Variants in STIM1 observed in about 807,000 individuals in gnomAD.
STIM1 encodes the protein stromal interaction molecule 1.
Under a neutral mutation model 74.7 loss-of-function variants are expected in STIM1, and 25 were observed. That is an observed-to-expected ratio of 0.33 (90% CI 0.24 to 0.47). STIM1 has a LOEUF of 0.47. Among genes scored for constraint, STIM1 ranks in the 20% least tolerant of loss-of-function variants. The pLI is 1.00. For synonymous variants in STIM1, 328 were observed against 348.8 expected (o/e 0.94, Z 0.66); for missense variants, 728 against 920.8 (o/e 0.79, Z 2.71).
intron 2 of STIM1, among the ~76,000 whole-genome samples, chr11:3,976,962 T>G (rs1481839021): frequency 2.0e-5 from 3 of 152,070 alleles, no homozygotes; most frequent in African/African-American, 7.2e-5. Flanking sequence ...ACCCAGCTAA[T>G]TTTTGTATTT....
At chr11:4,033,830 A>T (rs564694928) in intron 3 of STIM1, among the ~76,000 whole-genome samples, 1 of 151,446 alleles carries the variant, frequency 6.6e-6, no homozygotes, top group East Asian at 2.0e-4. Context: ...CGATCTCCTG[A>T]CCTCGTGATC....
intron 2 of STIM1, among the ~76,000 whole-genome samples, chr11:4,001,765 T>C (rs923197973): frequency 1.3e-5 from 2 of 149,416 alleles, no homozygotes; most frequent in African/African-American, 4.9e-5. Flanking sequence ...ATGGACTAAA[T>C]GCTCCAATTA....
chr11:3,867,578 T>G (rs908165811), intron 1 of STIM1, among the ~76,000 whole-genome samples: 1 of 152,220 alleles, frequency 6.6e-6, no homozygotes, highest in Non-Finnish European at 1.5e-5. Flanking sequence ...GATAGGATAG[T>G]CCTGTGAAGA....
intron 2 of STIM1, among the ~76,000 whole-genome samples, chr11:4,012,160 T>C (rs2093843763): frequency 6.6e-6 from 1 of 152,230 alleles, no homozygotes; most frequent in Admixed American, 6.5e-5. Flanking sequence ...GGTAGTGTGA[T>C]GCCTCCAGCT....
chr11:4,048,107 A>G (rs1194260752), intron 3 of STIM1, among the ~76,000 whole-genome samples: 1 of 152,106 alleles, frequency 6.6e-6, no homozygotes, highest in African/African-American at 2.4e-5. Context: ...GTGTTGAGCC[A>G]CCGTGCCTGG....
At chr11:3,966,105 A>G (rs776467400) in intron 1 of STIM1, among the ~76,000 whole-genome samples, 9 of 152,222 alleles carry the variant, frequency 5.9e-5, no homozygotes, top group Non-Finnish European at 1.0e-4. Flanking sequence ...AAAAGATGAA[A>G]GCAACACAAG....
chr11:3,991,825 CT>C (rs972877414), intron 2 of STIM1, among the ~76,000 whole-genome samples: 14 of 151,526 alleles, frequency 9.2e-5, no homozygotes, highest in African/African-American at 3.4e-4. Flanking sequence ...TGGCGCATGC[CT>C]GTAATCCCAG....
rs142720800 is a variant in STIM1 at position 3,923,099 on chromosome 11, C to CA, written c.140-44437dup. Among the ~76,000 whole-genome samples the CA allele has an allele frequency of 2.7e-3, 327 of 119,020 alleles. 1 individual carries two copies. The highest frequency in any genetic ancestry group is 3.5e-3 in the Admixed American group (42 of 12,074). 78.1% of individuals were successfully genotyped at this position (119,020 alleles called of 152,430 possible). On this transcript the variant is annotated intron_variant, in intron 1 of 12. Transcript: ENST00000526596. Reference sequence around the variant, plus strand: ...TGGGAGACAGAGCGAGACTCCGTCTCAAAAAAAAAAAAAAAACAAACACTC... The same window carrying CA: ...TGGGAGACAGAGCGAGACTCCGTCTCAAAAAAAAAAAAAAAAACAAACACTC...
intron 1 of STIM1, among the ~76,000 whole-genome samples, chr11:3,871,613 T>G (rs536414310): frequency 1.3e-5 from 2 of 152,362 alleles, no homozygotes; most frequent in African/African-American, 4.8e-5. Flanking sequence ...ATTTTGTAGC[T>G]TCTGTCTTAA....
chr11:3,858,393 C>T (rs768807038), intron 1 of STIM1, among the ~76,000 whole-genome samples: 15 of 152,138 alleles, frequency 9.9e-5, no homozygotes, highest in Non-Finnish European at 2.2e-4. Context: ...TACTCATGCT[C>T]AGTTTAGAAA....
At chr11:3,909,794 A>G (rs367802893) in intron 1 of STIM1, among the ~76,000 whole-genome samples, 1 of 63,494 alleles carries the variant, frequency 1.6e-5, no homozygotes, top group Non-Finnish European at 3.4e-5. Flanking sequence ...TCCATCTCAA[A>G]GAAAAAAAAA....
Position 3,856,279 on chromosome 11 carries a change from A to T in STIM1, c.9A>T (p.Val3=). The T allele has an allele frequency of 6.2e-7, 1 of 1,614,140 alleles. No homozygotes were observed. The highest frequency in any genetic ancestry group is 8.5e-7 in the Non-Finnish European group (1 of 1,180,026). ...GACTGAGACCTAGAGTCATGGATGT[A>T]TGCGTCCGTCTTGCCCTGTGGCTCC... MD[V]CVRLALWLLW... Residue 3 remains valine, a synonymous_variant, in exon 1 of 13, where the codon GTA becomes GTT. Transcript: ENST00000526596.
At chr11:3,989,508 G>C (rs111814993) in intron 2 of STIM1, 18 of 558,576 alleles carry the variant, frequency 3.2e-5, no homozygotes, top group South Asian at 1.5e-4. Context: ...GAGCCGCGGC[G>C]CACCGAGAGC....
At chr11:3,899,558 A>G (rs1164234985) in intron 1 of STIM1, among the ~76,000 whole-genome samples, 1 of 150,260 alleles carries the variant, frequency 6.7e-6, no homozygotes, top group African/African-American at 2.4e-5. Flanking sequence ...ACTATGTTGA[A>G]TAGGAGTGGT....
intron 2 of STIM1, among the ~76,000 whole-genome samples, chr11:3,996,772 A>G (rs2093666887): frequency 6.6e-6 from 1 of 152,218 alleles, no homozygotes; most frequent in African/African-American, 2.4e-5. Context: ...AAGTTTCACT[A>G]GTTTTACTGG....
At chr11:3,990,142 A>G (rs913184358) in intron 2 of STIM1, among the ~76,000 whole-genome samples, 5 of 152,186 alleles carry the variant, frequency 3.3e-5, no homozygotes, top group Non-Finnish European at 7.4e-5. Flanking sequence ...ATTCAATCAT[A>G]TAATATGTGG....
rs538536774 is a variant in STIM1 at position 4,043,029 on chromosome 11, T to C, written c.386-12497T>C. Among the ~76,000 whole-genome samples the C allele has an allele frequency of 2.0e-5, 3 of 152,166 alleles. No individual in the cohort carries two copies. In the South Asian group the frequency reaches 6.2e-4, roughly 32 times the overall value. On this transcript the variant is annotated intron_variant, in intron 3 of 12. Transcript: ENST00000526596. ...AATGCTTGTTGAATAGCAAAATGAA[T>C]ATTTTACAGAAGGGGAAATTGAGGT...
chr11:3,905,611 G>A (rs2092453257), intron 1 of STIM1, among the ~76,000 whole-genome samples: 1 of 152,168 alleles, frequency 6.6e-6, no homozygotes, highest in Non-Finnish European at 1.5e-5. Context: ...AGTAACCGCT[G>A]CATGCCAGGC....
chr11:4,051,673 G>A (rs1042162998), intron 3 of STIM1, among the ~76,000 whole-genome samples: 22 of 152,098 alleles, frequency 1.4e-4, no homozygotes, highest in African/African-American at 4.1e-4. Flanking sequence ...TTTTGCAACA[G>A]TCTCACTCCG....
Sources: allele counts gnomAD v4.1 joint callset (sites outside exome capture counted in the v4.1 genomes callset), GRCh38; gene constraint gnomAD v4.1.1; transcripts MANE v1.5; gene names NCBI Gene and HGNC (gene_info 2026-07-23, HGNC 2026-07-21).